The following ZNF704 variants were observed in gnomAD, a reference collection of about 807,000 sequenced individuals.
The protein encoded by ZNF704 is glucocorticoid induced gene 1.
In ZNF704, 10 loss-of-function variants were observed where a neutral mutation model predicts 44.7. The ratio of observed to expected loss-of-function variants is 0.22; its 90% CI spans 0.14 to 0.38. ZNF704 has a LOEUF of 0.38. Among genes scored for constraint, ZNF704 ranks in the 10% least tolerant of loss-of-function variants. The pLI is 1.00. For missense variants in ZNF704, 390 were observed against 545.5 expected, an observed-to-expected ratio of 0.71 and a Z score of 2.84; for synonymous variants, 211 against 207.6, an observed-to-expected ratio of 1.02 and a Z score of -0.14.
chr8:80,870,702 A>C (rs1695518102), intron 1 of ZNF704, among the ~76,000 whole-genome samples: 1 of 152,086 alleles, frequency 6.6e-6, no homozygotes, highest in African/African-American at 2.4e-5. Flanking sequence ...GCTGTGCCCC[A>C]GAATCAGGCC....
chr8:80,880,117 A>G, the ZNF704 span, among the ~76,000 whole-genome samples: 17 of 151,906 alleles, frequency 1.1e-4, no homozygotes, highest in Non-Finnish European at 1.6e-4. Context: ...TGTGAAACTT[A>G]TTTCATTATC....
intron 4 of ZNF704, among the ~76,000 whole-genome samples, chr8:80,683,235 A>G (rs759801659): frequency 3.3e-5 from 5 of 152,120 alleles, no homozygotes; most frequent in Non-Finnish European, 5.9e-5. Flanking sequence ...CAGAGGAAAA[A>G]TTCTGCTAGA....
At chr8:80,779,920 A>G (rs1807488890) in intron 2 of ZNF704, among the ~76,000 whole-genome samples, 1 of 150,156 alleles carries the variant, frequency 6.7e-6, no homozygotes, top group Non-Finnish European at 1.5e-5. Flanking sequence ...TATTAATATT[A>G]TAATAATAAT....
intron 2 of ZNF704, chr8:80,776,930 C>T (rs755818433): frequency 5.3e-5 from 8 of 152,236 alleles, no homozygotes; most frequent in Non-Finnish European, 7.3e-5. Context: ...TCCTGAGTAG[C>T]TGGGATGATA....
intron 2 of ZNF704, among the ~76,000 whole-genome samples, chr8:80,752,578 G>C (rs948016653): frequency 3.3e-5 from 5 of 150,338 alleles, no homozygotes; most frequent in African/African-American, 1.2e-4. Context: ...TTTCGTTCTT[G>C]TTGCCCAGGC....
Position 80,640,922 on chromosome 8 carries a change from T to C in ZNF704, c.*444A>G, listed in dbSNP as rs538537152. On this transcript the variant is annotated 3_prime_UTR_variant, in exon 9 of 9. Coordinates refer to ENST00000327835, the MANE Select transcript of ZNF704 (RefSeq NM_001033723.3). ...AGATTATTCACAACAAAAGTAAGTA[T>C]TGATCTTTGTACAAATGCTACTGAA... 3.0e-4 allele frequency: 46 copies of C among 154,564 alleles called. No individual in the cohort carries two copies. The East Asian group carries it at 7.6e-3, about 26-fold the overall frequency. The allele number at this position is 154,564 out of a possible 1,614,324, so 9.6% of individuals were successfully genotyped here. A position where few individuals can be genotyped will look rare whatever the true frequency, so the allele number is the denominator to read the frequency against.
intron 2 of ZNF704, among the ~76,000 whole-genome samples, chr8:80,748,966 C>T (rs1041211249): frequency 1.3e-5 from 2 of 152,106 alleles, no homozygotes; most frequent in African/African-American, 2.4e-5. Flanking sequence ...ATCATTTTTC[C>T]TGGTGCTGGG....
chr8:80,834,163 C>T (rs1219877746), intron 1 of ZNF704, among the ~76,000 whole-genome samples: 1 of 151,784 alleles, frequency 6.6e-6, no homozygotes, highest in South Asian at 2.1e-4. Flanking sequence ...CACTGCACTC[C>T]AGCTGGGGTG....
At chr8:80,711,669 C>T (rs1030027749) in intron 2 of ZNF704, among the ~76,000 whole-genome samples, 3 of 152,312 alleles carry the variant, frequency 2.0e-5, no homozygotes, top group South Asian at 4.1e-4. Context: ...ATACGAGAAA[C>T]TACCAACTAC....
chr8:80,730,893 C>T (rs1214957722), intron 2 of ZNF704, among the ~76,000 whole-genome samples: 1 of 152,082 alleles, frequency 6.6e-6, no homozygotes, highest in Non-Finnish European at 1.5e-5. Flanking sequence ...TCTGATTAAA[C>T]TGAAGAAACA....
intron 2 of ZNF704, among the ~76,000 whole-genome samples, chr8:80,803,292 C>G (rs528029046): frequency 6.6e-6 from 1 of 152,134 alleles, no homozygotes; most frequent in African/African-American, 2.4e-5. Flanking sequence ...ATCCTGTTCC[C>G]TTTAAACTAC....
At chr8:80,654,147 C>G (rs1158362255) in intron 7 of ZNF704, among the ~76,000 whole-genome samples, 2 of 151,596 alleles carry the variant, frequency 1.3e-5, no homozygotes, top group Non-Finnish European at 3.0e-5. Context: ...ATGTAGAAAG[C>G]TGAAACTGGA....
rs780429679 is a variant in ZNF704 at position 80,688,550 on chromosome 8, AG to A, written c.326-1093del. ...GTATCCCTCATGGGCCCAGGCCACC[AG>A]GAAGAGGTTGGACCTATTTCTTCAG... is the stretch of plus-strand genomic sequence containing the variant. On this transcript the variant is annotated intron_variant, in intron 3 of 8. Transcript: ENST00000327835. 2.2e-4 allele frequency among the ~76,000 whole-genome samples: 34 copies of A among 152,316 alleles called. 1 individual carries two copies. The highest frequency in any genetic ancestry group is 4.1e-4 in the Non-Finnish European group (28 of 68,026).
At chr8:80,765,177 G>A (rs905314777) in intron 2 of ZNF704, among the ~76,000 whole-genome samples, 1 of 152,142 alleles carries the variant, frequency 6.6e-6, no homozygotes, top group African/African-American at 2.4e-5. Flanking sequence ...AAAGGCTGGT[G>A]AGCCTAATGT....
intron 1 of ZNF704, among the ~76,000 whole-genome samples, chr8:80,861,014 G>A (rs1168620220): frequency 6.6e-6 from 1 of 152,168 alleles, no homozygotes; most frequent in Non-Finnish European, 1.5e-5. Context: ...AGAAATGAAA[G>A]AAGAATGTCC....
intron 2 of ZNF704, among the ~76,000 whole-genome samples, chr8:80,755,844 A>G (rs2131711780): frequency 6.6e-6 from 1 of 152,272 alleles, no homozygotes; most frequent in Non-Finnish European, 1.5e-5. Flanking sequence ...AGTGGCTCAC[A>G]TCTGTAATTC....
chr8:80,694,480 G>C (rs1030672256), intron 2 of ZNF704, among the ~76,000 whole-genome samples: 17 of 152,192 alleles, frequency 1.1e-4, no homozygotes, highest in African/African-American at 2.7e-4. Context: ...AACAGTTGAA[G>C]AAGCCCAACA....
intron 2 of ZNF704, among the ~76,000 whole-genome samples, chr8:80,738,878 A>G (rs879530760): frequency 2.6e-5 from 4 of 152,154 alleles, no homozygotes; most frequent in Admixed American, 2.0e-4. Context: ...TGGGATGCCA[A>G]AACTTAAGAT....
chr8:80,876,899 T>C (rs1006422984), upstream of ZNF704, among the ~76,000 whole-genome samples: 2 of 152,132 alleles, frequency 1.3e-5, no homozygotes, highest in Non-Finnish European at 2.9e-5. Flanking sequence ...CAACAACTTG[T>C]CATCGGAGGA....
Sources: gnomAD v4.1 joint callset for allele counts (sites outside exome capture counted in the v4.1 genomes callset) on GRCh38, gnomAD v4.1.1 for gene constraint, MANE v1.5 for transcripts, NCBI Gene and HGNC (gene_info 2026-07-23, HGNC 2026-07-21) for gene names.